The following TATDN1 variants were observed in gnomAD, a reference collection of about 807,000 sequenced individuals.
TATDN1 encodes the protein TatD DNase domain containing 1.
A neutral mutation model predicts 46.4 loss-of-function variants in TATDN1; 40 were observed. That is an observed-to-expected ratio of 0.86 (90% CI 0.67 to 1.12). The LOEUF (loss-of-function observed/expected upper bound fraction) is 1.12. TATDN1 is among the 50% of genes most tolerant of loss of function. The pLI is 0.00. For missense variants in TATDN1, 326 were observed against 348.4 expected (o/e 0.94, Z 0.51); for synonymous variants, 95 against 105.6 (o/e 0.90, Z 0.62).
chr8:124,497,149 T>C (rs1817538925), intron 9 of TATDN1, among the ~76,000 whole-genome samples: 1 of 152,188 alleles, frequency 6.6e-6, no homozygotes, highest in Non-Finnish European at 1.5e-5. Context: ...ATCTCCTGCA[T>C]CTTTTCCCCC....
At chr8:124,501,665 T>C (rs1057186410) in intron 9 of TATDN1, among the ~76,000 whole-genome samples, 2 of 152,030 alleles carry the variant, frequency 1.3e-5, no homozygotes, top group Non-Finnish European at 1.5e-5. Flanking sequence ...TTACAAAATA[T>C]AGCACTTTTT....
At chr8:124,489,403 C>CT (rs11443180) in intron 11 of TATDN1, 69,957 of 146,708 alleles carry the variant, frequency 0.48, 16,643 homozygotes, top group South Asian at 0.54. Context: ...TCTTTCCTTT[C>CT]TTTTTTTTTT....
chr8:124,514,762 T>C lies in TATDN1; in HGVS notation c.389+984A>G, dbSNP rs118042206. On this transcript the variant is annotated intron_variant, in intron 6 of 11. Transcript: ENST00000276692. ...CAGTATGATGACAGGAGCTCCAAAT[T>C]TAGCTCCAGGCAATGGGTTACAGGA... is the stretch of plus-strand genomic sequence containing the variant. Among the ~76,000 whole-genome samples, 115 of 152,346 alleles carry C rather than the reference T, an allele frequency of 7.5e-4. 1 individual carries two copies. The East Asian group carries it at 0.02, about 27-fold the overall frequency.
chr8:124,518,416 C>T (rs1231347416), intron 4 of TATDN1, among the ~76,000 whole-genome samples: 5 of 135,308 alleles, frequency 3.7e-5, no homozygotes, highest in East Asian at 2.3e-4. Context: ...CCCAGCTACC[C>T]GGGAGGCTGA....
intron 9 of TATDN1, chr8:124,503,985 C>T: frequency 7.8e-7 from 1 of 1,289,550 alleles, no homozygotes. Context: ...ATCAAATGAC[C>T]TGAGAATAAA....
chr8:124,492,263 C>T (rs1817073477), intron 11 of TATDN1, among the ~76,000 whole-genome samples: 1 of 152,180 alleles, frequency 6.6e-6, no homozygotes, highest in Non-Finnish European at 1.5e-5. Context: ...ATGTGAGCCA[C>T]CATGCCTGGC....
At chr8:124,488,725 A>G (rs1207481921) in intron 11 of TATDN1, 29 bp from the exon 12 acceptor site, 2 of 1,305,950 alleles carry the variant, frequency 1.5e-6, no homozygotes, top group Admixed American at 1.7e-5. Flanking sequence ...AAAAATGGTT[A>G]AATCTCCAAG....
chr8:124,527,837 G>C (rs1024431119), intron 1 of TATDN1, among the ~76,000 whole-genome samples: 7 of 150,648 alleles, frequency 4.6e-5, no homozygotes, highest in Non-Finnish European at 8.9e-5. Context: ...GGACATCCTA[G>C]ATCAACCAGG....
At chr8:124,516,532 A>G (rs770368784) in intron 4 of TATDN1, among the ~76,000 whole-genome samples, 1 of 151,080 alleles carries the variant, frequency 6.6e-6, no homozygotes. Flanking sequence ...CTGGTCTCGA[A>G]CTCCTGAGCT....
In TATDN1 at chr8:124,518,893, A is replaced by C. The variant is rs1408369563; in HGVS notation, c.139-12T>G. ...CCTGTAATCATAAACTGAAATAGAA[A>C]GAAAATAAAATAAGCTGACTTTAAT... On this transcript the variant is annotated splice_polypyrimidine_tract_variant and intron_variant, in intron 3 of 11. Transcript: ENST00000276692. 6.3e-7 allele frequency: 1 copy of C among 1,583,936 alleles called. No individual in the cohort carries two copies. Among genetic ancestry groups the C allele is most frequent in the East Asian group, 2.2e-5 (1 of 44,626 alleles).
At chr8:124,532,326 C>T (rs1348230814) in intron 1 of TATDN1, among the ~76,000 whole-genome samples, 6 of 152,206 alleles carry the variant, frequency 3.9e-5, no homozygotes, top group East Asian at 1.9e-4. Flanking sequence ...CTCTGTCGCC[C>T]GGGCTGGAGT....
chr8:124,502,167 T>C (rs1278883805), intron 9 of TATDN1, among the ~76,000 whole-genome samples: 2 of 151,920 alleles, frequency 1.3e-5, no homozygotes, highest in Non-Finnish European at 2.9e-5. Flanking sequence ...TCCCTGTCTC[T>C]ACTAAAAATA....
chr8:124,498,339 G>A (rs1163557556), intron 9 of TATDN1, among the ~76,000 whole-genome samples: 1 of 152,016 alleles, frequency 6.6e-6, no homozygotes. Context: ...TTCTCTAAAT[G>A]CTTTTCTTTG....
intron 9 of TATDN1, among the ~76,000 whole-genome samples, chr8:124,501,435 G>A (rs1817955061): frequency 6.6e-6 from 1 of 151,054 alleles, no homozygotes; most frequent in Non-Finnish European, 1.5e-5. Context: ...TTTTTAAATA[G>A]ACAGTGAAGG....
rs1428009978 is a variant in TATDN1, at chr8:124,489,425, C to CT, written c.792-730dup. 3.7e-5 allele frequency: 4 copies of CT among 107,308 alleles called. No homozygotes were observed. The East Asian group carries it at 9.8e-4, about 26-fold the overall frequency. The allele number at this position is 107,308 out of a possible 1,614,324, so 6.6% of individuals were successfully genotyped here. The stretch of plus-strand genomic sequence containing the variant: ...TTTCTTTTTTTTTTCTTTTTTCTTT[C>CT]TTTTTTGAGACGGCGTCTTACTCTG... On this transcript the variant is annotated intron_variant, in intron 11 of 11. Transcript: ENST00000276692.
At chr8:124,532,098 G>A (rs192137728) in intron 1 of TATDN1, among the ~76,000 whole-genome samples, 2 of 152,088 alleles carry the variant, frequency 1.3e-5, no homozygotes, top group African/African-American at 4.8e-5. Context: ...AGGAGGAGGA[G>A]GAGGAGGAGG....
rs575437406 is a variant in TATDN1, at chr8:124,495,301, G to A, written c.664+171C>T. 40 of 611,896 alleles carry A rather than the reference G, an allele frequency of 6.5e-5. 1 individual carries two copies. Among genetic ancestry groups the A allele is most frequent in the African/African-American group, 5.3e-4 (28 of 53,130 alleles). The allele number at this position is 611,896 out of a possible 1,614,324, so 37.9% of individuals were successfully genotyped here. A position where few individuals can be genotyped will look rare whatever the true frequency, so the allele number is the denominator to read the frequency against. The stretch of plus-strand genomic sequence containing the variant: ...AAATTGAAAAAAATCATTTGCATAT[G>A]TTTTTCCATTAATAACCCCCAAAGA... On this transcript the variant is annotated intron_variant, in intron 10 of 11. Coordinates refer to ENST00000276692, the MANE Select transcript of TATDN1 (RefSeq NM_032026.4).
Position 124,522,322 on chromosome 8 carries a change from A to AGAAGACCTTAATTAAAC in TATDN1, c.89-139_89-123dup, listed in dbSNP as rs1222195071. ...TTGAAATTATAAACTTCTACAGGTA[A>AGAAGACCTTAATTAAAC]GAAGACCTTAATTAAACTTTATTAT... On this transcript the variant is annotated intron_variant, in intron 2 of 11. Transcript: ENST00000276692. 4 of 689,178 alleles carry AGAAGACCTTAATTAAAC rather than the reference A, an allele frequency of 5.8e-6. No individual in the cohort carries two copies. In the African/African-American group the frequency reaches 7.5e-5, roughly 13 times the overall value. The allele number at this position is 689,178 out of a possible 1,614,324, so 42.7% of individuals were successfully genotyped here. A position where few individuals can be genotyped will look rare whatever the true frequency, so the allele number is the denominator to read the frequency against.
chr8:124,517,439 A>AAG (rs1349556641), intron 4 of TATDN1, among the ~76,000 whole-genome samples: 1 of 152,042 alleles, frequency 6.6e-6, no homozygotes, highest in Non-Finnish European at 1.5e-5. Context: ...AAAAAAAAAA[A>AAG]AAAGAAAAAG....
Sources: allele counts gnomAD v4.1 joint callset (sites outside exome capture counted in the v4.1 genomes callset), GRCh38; gene constraint gnomAD v4.1.1; transcripts MANE v1.5; gene names NCBI Gene and HGNC (gene_info 2026-07-23, HGNC 2026-07-21).